The following HHLA1 variants were observed in gnomAD, a reference collection of about 807,000 sequenced individuals.
HHLA1 encodes HERV-H LTR-associating protein 1.
Under a neutral mutation model 69.9 loss-of-function variants are expected in HHLA1, and 72 were observed. That is an observed-to-expected ratio of 1.03 (90% CI 0.85 to 1.25). HHLA1 has a LOEUF of 1.25. HHLA1 is among the 50% of genes most tolerant of loss of function. HHLA1 has a pLI of 0.00. For missense variants in HHLA1, 685 were observed against 642.2 expected, an observed-to-expected ratio of 1.07 and a Z score of -0.72; for synonymous variants, 252 against 233.2, an observed-to-expected ratio of 1.08 and a Z score of -0.73.
intron 1 of HHLA1, 140 bp from the exon 2 acceptor site, chr8:132,105,426 T>C: frequency 1.6e-6 from 1 of 635,496 alleles, no homozygotes; most frequent in East Asian, 2.7e-5. Flanking sequence ...GAAGCTAAGG[T>C]AACAAATTAA....
intron 8 of HHLA1, among the ~76,000 whole-genome samples, chr8:132,088,721 G>T (rs1427445593): frequency 6.6e-6 from 1 of 152,198 alleles, no homozygotes; most frequent in Non-Finnish European, 1.5e-5. Context: ...CACAGGCTAA[G>T]AGCCAGATCA....
intron 11 of HHLA1, among the ~76,000 whole-genome samples, chr8:132,078,868 C>T (rs1421193563): frequency 6.6e-6 from 1 of 151,960 alleles, no homozygotes; most frequent in Admixed American, 6.5e-5. Flanking sequence ...CTCAGTGGGT[C>T]CATTGTTGGA....
rs555010074 is a variant in HHLA1, at chr8:132,077,154, A to G, written c.1171+572T>C. On this transcript the variant is annotated intron_variant, in intron 12 of 16. Transcript: ENST00000414222. ...TTCCGTCATATGGATAAGTGGAAGG[A>G]AAGAGGTGAGGCTGAGAAACAGCCG... 2.6e-5 allele frequency among the ~76,000 whole-genome samples: 4 copies of G among 152,278 alleles called. No homozygotes were observed. In the South Asian group the frequency reaches 8.3e-4, roughly 32 times the overall value.
At chr8:132,098,496 C>A (rs1273151367) in intron 5 of HHLA1, among the ~76,000 whole-genome samples, 1 of 152,086 alleles carries the variant, frequency 6.6e-6, no homozygotes, top group African/African-American at 2.4e-5. Flanking sequence ...AAGTCTCACT[C>A]TTTCTCTCAG....
chr8:132,082,842 C>G (rs1406200625), intron 10 of HHLA1, among the ~76,000 whole-genome samples: 2 of 152,106 alleles, frequency 1.3e-5, no homozygotes, highest in Non-Finnish European at 2.9e-5. Flanking sequence ...CCTGAACTAA[C>G]TTGTAAGGCT....
chr8:132,062,458 A>G lies in HHLA1; in HGVS notation c.*1537T>C, dbSNP rs1441072456. 1 of 152,198 alleles carries G rather than the reference A, an allele frequency of 6.6e-6. No homozygotes were observed. The highest frequency in any genetic ancestry group is 1.5e-5 in the Non-Finnish European group (1 of 68,046). The allele number at this position is 152,198 out of a possible 1,614,324, so 9.4% of individuals were successfully genotyped here. A position where few individuals can be genotyped will look rare whatever the true frequency, so the allele number is the denominator to read the frequency against. On this transcript the variant is annotated 3_prime_UTR_variant, in exon 17 of 17. Transcript: ENST00000414222. ...TGTTTTCTACTTAGATGATGAACAG[A>G]AAGTGACTTTCCTCACCCAAGGGCA... is the stretch of plus-strand genomic sequence containing the variant.
intron 11 of HHLA1, among the ~76,000 whole-genome samples, chr8:132,079,406 G>A (rs1315354274): frequency 6.6e-6 from 1 of 152,222 alleles, no homozygotes; most frequent in Non-Finnish European, 1.5e-5. Flanking sequence ...TAGCATTGAA[G>A]GAGGCTGGGT....
At chr8:132,088,018 C>T (rs775670122) in intron 8 of HHLA1, 117 bp from the exon 9 acceptor site, 2 of 774,050 alleles carry the variant, frequency 2.6e-6, no homozygotes, top group Non-Finnish European at 4.3e-6. Flanking sequence ...GGAAAATAAG[C>T]CTGACTCTTT....
chr8:132,102,590 GCTATAA>G (rs1193467529), intron 3 of HHLA1, among the ~76,000 whole-genome samples: 1 of 152,140 alleles, frequency 6.6e-6, no homozygotes, highest in Non-Finnish European at 1.5e-5. Context: ...TGCACCAGCT[GCTATAA>G]GATCTGCAGG....
At chr8:132,083,655 G>C (rs1040062293) in intron 10 of HHLA1, among the ~76,000 whole-genome samples, 10 of 152,158 alleles carry the variant, frequency 6.6e-5, no homozygotes, top group African/African-American at 2.2e-4. Flanking sequence ...GGAATCCCAG[G>C]CTGCGGGCAT....
chr8:132,082,159 A>G (rs1823763300), intron 10 of HHLA1, among the ~76,000 whole-genome samples: 1 of 152,168 alleles, frequency 6.6e-6, no homozygotes, highest in African/African-American at 2.4e-5. Flanking sequence ...GAGACTCAAC[A>G]AAGAGTGAGT....
rs1369974644 is a variant in HHLA1, at chr8:132,063,521, T to C, written c.*474A>G. 1.3e-5 allele frequency: 2 copies of C among 152,800 alleles called. No homozygotes were observed. The highest frequency in any genetic ancestry group is 4.8e-5 in the African/African-American group (2 of 41,476). The allele number at this position is 152,800 out of a possible 1,614,324, so 9.5% of individuals were successfully genotyped here. ...TGTATTAGTTAACTATCAGTATATG[T>C]GAATCTCTCTAGAGTATGAATTCAA... On this transcript the variant is annotated 3_prime_UTR_variant, in exon 17 of 17. Coordinates refer to ENST00000414222, the MANE Select transcript of HHLA1 (RefSeq NM_001145095.3).
At chr8:132,092,404 C>T (rs1482946044) in intron 7 of HHLA1, among the ~76,000 whole-genome samples, 1 of 152,126 alleles carries the variant, frequency 6.6e-6, no homozygotes, top group Non-Finnish European at 1.5e-5. Flanking sequence ...GATCTGTGTC[C>T]TTGCCCAAAT....
At chr8:132,073,141 T>A (rs1199944847) in intron 14 of HHLA1, among the ~76,000 whole-genome samples, 3 of 152,156 alleles carry the variant, frequency 2.0e-5, no homozygotes, top group African/African-American at 7.2e-5. Flanking sequence ...TAATTACTTA[T>A]TTTTATTTTT....
intron 14 of HHLA1, among the ~76,000 whole-genome samples, chr8:132,074,188 GCACCTTGTT>G (rs1823596868): frequency 6.6e-6 from 1 of 152,180 alleles, no homozygotes; most frequent in African/African-American, 2.4e-5. Flanking sequence ...TGCTTAGAAT[GCACCTTGTT>G]CAGGTGCCAC....
intron 15 of HHLA1, among the ~76,000 whole-genome samples, chr8:132,068,467 A>C (rs1823477097): frequency 6.6e-6 from 1 of 152,236 alleles, no homozygotes; most frequent in South Asian, 2.1e-4. Context: ...TCATAACAAG[A>C]ATATGTATTC....
intron 5 of HHLA1, 76 bp from the exon 6 acceptor site, chr8:132,095,862 C>A: frequency 2.4e-6 from 2 of 817,722 alleles, no homozygotes; most frequent in Non-Finnish European, 1.8e-6. Context: ...TAAACAGTCC[C>A]TAGAAATTAA....
intron 11 of HHLA1, among the ~76,000 whole-genome samples, chr8:132,079,204 G>C (rs1823696993): frequency 6.6e-6 from 1 of 152,222 alleles, no homozygotes; most frequent in African/African-American, 2.4e-5. Flanking sequence ...ATTGGCGGCA[G>C]CTTTCCCACT....
chr8:132,078,736 G>A (rs1378115882), intron 11 of HHLA1, among the ~76,000 whole-genome samples: 1 of 152,122 alleles, frequency 6.6e-6, no homozygotes, highest in Admixed American at 6.5e-5. Context: ...GAAAGAGAGA[G>A]AACATTTATA....
Sources: gnomAD v4.1 joint callset for allele counts (sites outside exome capture counted in the v4.1 genomes callset) on GRCh38, gnomAD v4.1.1 for gene constraint, MANE v1.5 for transcripts, NCBI Gene and HGNC (gene_info 2026-07-23, HGNC 2026-07-21) for gene names.